STPG2: variants seen among roughly 807,000 people sequenced by gnomAD.
The protein encoded by STPG2 is sperm tail PG-rich repeat containing 2, also known as sperm-tail PG-rich repeat-containing protein 2.
STPG2 carries 56 observed loss-of-function variants against 54.2 expected under a neutral mutation model. The observed-to-expected ratio is 1.03, with a 90% confidence interval of 0.83 to 1.29. The LOEUF is 1.29. Ranked by LOEUF, STPG2 falls within the 50% of genes most tolerant of loss-of-function variation. The pLI is 0.00. For missense variants in STPG2, 596 were observed against 544.9 expected (o/e 1.09, Z -0.93); for synonymous variants, 200 against 181.8 (o/e 1.10, Z -0.81).
At chr4:97,816,589 T>A (rs113585321) in intron 9 of STPG2, among the ~76,000 whole-genome samples, 1 of 152,120 alleles carries the variant, frequency 6.6e-6, no homozygotes, top group African/African-American at 2.4e-5. Flanking sequence ...AGTATTTGAA[T>A]TGGTAGACTG....
intron 7 of STPG2, among the ~76,000 whole-genome samples, chr4:97,960,422 G>C (rs901328229): frequency 7.2e-5 from 11 of 152,238 alleles, no homozygotes; most frequent in African/African-American, 2.6e-4. Context: ...ACTGTTTGCT[G>C]ATGATATGAT....
At chr4:97,665,828 G>A (rs1466365322) in intron 10 of STPG2, among the ~76,000 whole-genome samples, 1 of 152,130 alleles carries the variant, frequency 6.6e-6, no homozygotes, top group Non-Finnish European at 1.5e-5. Flanking sequence ...TGAGGTGCCA[G>A]GGGTTTGGCC....
intron 7 of STPG2, among the ~76,000 whole-genome samples, chr4:97,968,283 G>A (rs1256890331): frequency 6.6e-6 from 1 of 152,112 alleles, no homozygotes; most frequent in Non-Finnish European, 1.5e-5. Flanking sequence ...TTCTGAAATT[G>A]AGGCAATAAT....
Position 97,446,754 on chromosome 4 carries a change from C to T in STPG2, c.463-258921G>A, listed in dbSNP as rs190528617. Among the ~76,000 whole-genome samples, 645 of 152,266 alleles carry T rather than the reference C, an allele frequency of 4.2e-3. 3 individuals are homozygous for T. The highest frequency in any genetic ancestry group is 0.02 in the South Asian group (95 of 4,824). ...GTGAAGAAGGTACTGGCTTCTCCTT[C>T]GCCTTCCACCATGATTGTAAGTTTC... On this transcript the variant is annotated intron_variant, in intron 4 of 4. Coordinates refer to the STPG2 transcript ENST00000522676.
chr4:97,691,683 A>C (rs1463197215), intron 10 of STPG2, among the ~76,000 whole-genome samples: 1 of 152,098 alleles, frequency 6.6e-6, no homozygotes, highest in Non-Finnish European at 1.5e-5. Flanking sequence ...AATCCTCCCT[A>C]TACAACCAAA....
In STPG2 at chr4:97,892,133, A is replaced by G. The variant is rs148975837; in HGVS notation, c.1045-51201T>C. Among the ~76,000 whole-genome samples, 188 of 152,304 alleles carry G rather than the reference A, an allele frequency of 1.2e-3. 6 individuals are homozygous for G. The East Asian group carries it at 0.021, about 17-fold the overall frequency. On this transcript the variant is annotated intron_variant, in intron 8 of 10. Coordinates refer to ENST00000295268, the MANE Select transcript of STPG2 (RefSeq NM_174952.3). ...TTATAATCTTTGTGCAATAAAATAT[A>G]GAGATATAATCATGGGTTTTAGAAT...
chr4:97,834,195 A>G (rs935976115), intron 9 of STPG2, among the ~76,000 whole-genome samples: 2 of 152,028 alleles, frequency 1.3e-5, no homozygotes, highest in African/African-American at 4.8e-5. Context: ...AGAATGAGTT[A>G]ATGTCCTTTG....
intron 8 of STPG2, among the ~76,000 whole-genome samples, chr4:97,918,442 C>G (rs1254774610): frequency 6.6e-6 from 1 of 152,060 alleles, no homozygotes; most frequent in Non-Finnish European, 1.5e-5. Flanking sequence ...TCATTACTTT[C>G]ACACACACAT....
chr4:97,778,713 G>A (rs1256355743), intron 9 of STPG2, among the ~76,000 whole-genome samples: 4 of 152,154 alleles, frequency 2.6e-5, no homozygotes, highest in Non-Finnish European at 4.4e-5. Flanking sequence ...CACACGGCTG[G>A]GTACTACTCT....
At chr4:97,850,597 T>C (rs913794113) in intron 8 of STPG2, among the ~76,000 whole-genome samples, 8 of 151,868 alleles carry the variant, frequency 5.3e-5, no homozygotes, top group Non-Finnish European at 1.0e-4. Flanking sequence ...GATCCTCCAT[T>C]AAAATTTTAT....
At chr4:97,871,911 G>A (rs1730002104) in intron 8 of STPG2, among the ~76,000 whole-genome samples, 1 of 150,914 alleles carries the variant, frequency 6.6e-6, no homozygotes, top group Non-Finnish European at 1.5e-5. Flanking sequence ...ATTGTGAACA[G>A]AATTCAATAC....
chr4:97,578,725 G>T (rs1231119335), intron 10 of STPG2, among the ~76,000 whole-genome samples: 1 of 151,722 alleles, frequency 6.6e-6, no homozygotes, highest in African/African-American at 2.4e-5. Flanking sequence ...TTCAACAATG[G>T]TTTAAACCAA....
chr4:97,521,543 C>T (rs955277239), intron 4 of STPG2, among the ~76,000 whole-genome samples: 5 of 151,890 alleles, frequency 3.3e-5, no homozygotes, highest in Admixed American at 6.6e-5. Context: ...CAAGATGACG[C>T]GAATATGACA....
At chr4:98,061,683 T>G (rs1350376750) in intron 5 of STPG2, among the ~76,000 whole-genome samples, 1 of 151,424 alleles carries the variant, frequency 6.6e-6, no homozygotes. Flanking sequence ...CAACCAACAA[T>G]CAAATGAAAA....
intron 8 of STPG2, among the ~76,000 whole-genome samples, chr4:97,930,215 C>T (rs1401447594): frequency 1.3e-5 from 2 of 152,058 alleles, no homozygotes; most frequent in Non-Finnish European, 2.9e-5. Flanking sequence ...ACTTTTGTTG[C>T]AATTACTTTT....
intron 8 of STPG2, among the ~76,000 whole-genome samples, chr4:97,922,155 T>A (rs1291728674): frequency 1.3e-5 from 2 of 152,170 alleles, no homozygotes; most frequent in Non-Finnish European, 2.9e-5. Context: ...GTTAAGATCT[T>A]AAATGTTCTA....
intron 4 of STPG2, among the ~76,000 whole-genome samples, chr4:97,457,166 A>G (rs1461955377): frequency 1.3e-5 from 2 of 152,182 alleles, no homozygotes; most frequent in African/African-American, 4.8e-5. Flanking sequence ...ATACAAAATG[A>G]CACAGCCACT....
chr4:97,686,623 A>G (rs577013644), intron 10 of STPG2, among the ~76,000 whole-genome samples: 4 of 152,192 alleles, frequency 2.6e-5, no homozygotes, highest in East Asian at 3.9e-4. Context: ...ATACTCCCCA[A>G]TCTTTGAAAC....
chr4:97,936,832 T>C (rs1418397460), intron 8 of STPG2, among the ~76,000 whole-genome samples: 15 of 152,178 alleles, frequency 9.9e-5, no homozygotes, highest in Admixed American at 9.8e-4. Flanking sequence ...ATTTCAACCT[T>C]AGAGAATCTG....
Sources: gnomAD v4.1 joint callset for allele counts (sites outside exome capture counted in the v4.1 genomes callset) on GRCh38, gnomAD v4.1.1 for gene constraint, MANE v1.5 for transcripts, NCBI Gene and HGNC (gene_info 2026-07-23, HGNC 2026-07-21) for gene names.